SGMS1: variants seen among roughly 807,000 people sequenced by gnomAD.
SGMS1 encodes phosphatidylcholine:ceramide cholinephosphotransferase 1.
Under a neutral mutation model 46.2 loss-of-function variants are expected in SGMS1, and 13 were observed. The observed-to-expected ratio is 0.28, with a 90% CI of 0.18 to 0.45. The LOEUF is 0.45. Ranked by LOEUF, SGMS1 falls within the 20% of genes least tolerant of loss-of-function variation. The pLI is 1.00. For missense variants in SGMS1, 324 were observed against 519.9 expected (o/e 0.62, Z 3.66); for synonymous variants, 203 against 187.8 (o/e 1.08, Z -0.66).
At chr10:50,487,908 T>C (rs972878502) in intron 3 of SGMS1, among the ~76,000 whole-genome samples, 1 of 152,082 alleles carries the variant, frequency 6.6e-6, no homozygotes, top group African/African-American at 2.4e-5. Flanking sequence ...GTATTTTCAC[T>C]ACAGTGTTTT....
intron 2 of SGMS1, among the ~76,000 whole-genome samples, chr10:50,557,130 A>G (rs972258358): frequency 1.4e-4 from 21 of 152,246 alleles, no homozygotes; most frequent in Non-Finnish European, 2.9e-5. Flanking sequence ...ACGATCAGAT[A>G]ATGCTCATAG....
intron 1 of SGMS1, among the ~76,000 whole-genome samples, chr10:50,593,670 T>C (rs1680299364): frequency 6.6e-6 from 1 of 152,164 alleles, no homozygotes; most frequent in African/African-American, 2.4e-5. Context: ...CAATATGTTG[T>C]TGTGATTTGC....
At chr10:50,419,772 C>T (rs564450097) in intron 6 of SGMS1, among the ~76,000 whole-genome samples, 5 of 152,280 alleles carry the variant, frequency 3.3e-5, no homozygotes, top group African/African-American at 9.6e-5. Flanking sequence ...ACAAATTAAA[C>T]GTTCTTTGCT....
chr10:50,363,146 C>A (rs111894574), intron 6 of SGMS1, among the ~76,000 whole-genome samples: 42 of 152,192 alleles, frequency 2.8e-4, no homozygotes, highest in African/African-American at 9.4e-4. Context: ...TCTCCAAAAA[C>A]TCCTCTGAAA....
intron 6 of SGMS1, among the ~76,000 whole-genome samples, chr10:50,381,007 T>C (rs2133474130): frequency 6.6e-6 from 1 of 151,492 alleles, no homozygotes; most frequent in Non-Finnish European, 1.5e-5. Context: ...TTTTTTTTTT[T>C]TTTCCCAGAG....
At chr10:50,533,043 C>T (rs980100590) in intron 2 of SGMS1, among the ~76,000 whole-genome samples, 5 of 152,000 alleles carry the variant, frequency 3.3e-5, no homozygotes, top group African/African-American at 9.7e-5. Context: ...CCGCATAAAT[C>T]CAAAGGATGA....
At chr10:50,470,990 G>C (rs987981490) in intron 3 of SGMS1, among the ~76,000 whole-genome samples, 1 of 152,098 alleles carries the variant, frequency 6.6e-6, no homozygotes, top group African/African-American at 2.4e-5. Context: ...TGTGGGAGCT[G>C]AATCAGGGAT....
intron 3 of SGMS1, among the ~76,000 whole-genome samples, chr10:50,509,713 T>C (rs1837737763): frequency 6.6e-6 from 1 of 152,220 alleles, no homozygotes; most frequent in Non-Finnish European, 1.5e-5. Flanking sequence ...GCTATTTCCA[T>C]CACCCAATTA....
intron 6 of SGMS1, among the ~76,000 whole-genome samples, chr10:50,391,309 T>A (rs955832434): frequency 6.6e-6 from 1 of 152,244 alleles, no homozygotes; most frequent in African/African-American, 2.4e-5. Context: ...TACTTTTCCT[T>A]ACTTGCAGTG....
At chr10:50,332,599 CT>C (rs1275852898) in intron 7 of SGMS1, among the ~76,000 whole-genome samples, 1 of 146,570 alleles carries the variant, frequency 6.8e-6, no homozygotes, top group Non-Finnish European at 1.5e-5. Context: ...ATGACATCTC[CT>C]TTTTTTAAGT....
At chr10:50,499,287 G>A (rs1029769939) in intron 3 of SGMS1, among the ~76,000 whole-genome samples, 5 of 152,148 alleles carry the variant, frequency 3.3e-5, no homozygotes, top group African/African-American at 1.2e-4. Flanking sequence ...ATGGAGCTAT[G>A]AATATCCATT....
At chr10:50,352,173 G>C (rs7083584) in intron 6 of SGMS1, among the ~76,000 whole-genome samples, 148 of 152,298 alleles carry the variant, frequency 9.7e-4, no homozygotes, top group African/African-American at 3.1e-3. Context: ...CATTGCTATG[G>C]AAGTGAACTG....
intron 7 of SGMS1, among the ~76,000 whole-genome samples, chr10:50,330,017 T>C (rs113343557): frequency 7.9e-5 from 12 of 152,342 alleles, no homozygotes; most frequent in African/African-American, 2.9e-4. Context: ...TATTAAGACT[T>C]ACTAGAATAG....
In SGMS1 at chr10:50,307,357, A is replaced by T. The variant is rs764502184; in HGVS notation, c.1063-36T>A. 4.1e-5 allele frequency: 65 copies of T among 1,583,840 alleles called. No individual in the cohort carries two copies. The highest frequency in any genetic ancestry group is 5.5e-5 in the Non-Finnish European group (64 of 1,159,706). ...AAAGAAACATAAACACATTTCTTAC[A>T]ATCTTTCACTTTAAGTTCAAATACT... On this transcript the variant is annotated intron_variant, in intron 10 of 10. Coordinates refer to ENST00000361781, the MANE Select transcript of SGMS1 (RefSeq NM_147156.4). This position sits in a 1 kb window ranked among gnomAD's most constrained non-coding sequence, Gnocchi z 4.2.
intron 6 of SGMS1, among the ~76,000 whole-genome samples, chr10:50,382,082 A>G (rs940037379): frequency 1.3e-5 from 2 of 152,190 alleles, no homozygotes; most frequent in African/African-American, 4.8e-5. Context: ...TGGTTAGAGT[A>G]TATCTTGATA....
chr10:50,516,279 T>A (rs554504525), intron 3 of SGMS1, among the ~76,000 whole-genome samples: 1 of 152,230 alleles, frequency 6.6e-6, no homozygotes, highest in Non-Finnish European at 1.5e-5. Flanking sequence ...TGCTGCTTTC[T>A]ATGCCTATTA....
intron 3 of SGMS1, among the ~76,000 whole-genome samples, chr10:50,496,422 C>G (rs967240030): frequency 6.6e-6 from 1 of 152,148 alleles, no homozygotes; most frequent in Non-Finnish European, 1.5e-5. Flanking sequence ...GCTTCCTTAC[C>G]AGACAGAATC....
intron 3 of SGMS1, among the ~76,000 whole-genome samples, chr10:50,470,399 T>C (rs994720227): frequency 8.6e-5 from 13 of 152,006 alleles, no homozygotes; most frequent in Non-Finnish European, 1.5e-4. Context: ...TATCTAACTT[T>C]CAATAAACAG....
intron 6 of SGMS1, among the ~76,000 whole-genome samples, chr10:50,404,740 G>A (rs1397584326): frequency 5.9e-5 from 9 of 152,066 alleles, no homozygotes; most frequent in Non-Finnish European, 8.8e-5. Flanking sequence ...ATATTTATAC[G>A]AAAATATTTA....
Sources: allele counts gnomAD v4.1 joint callset (sites outside exome capture counted in the v4.1 genomes callset), GRCh38; gene constraint gnomAD v4.1.1; non-coding constraint Gnocchi (gnomAD v3.1); transcripts MANE v1.5; gene names NCBI Gene and HGNC (gene_info 2026-07-23, HGNC 2026-07-21).